The following EML1 variants were observed in gnomAD, a reference collection of about 807,000 sequenced individuals.
The protein encoded by EML1 is echinoderm microtubule-associated protein-like 1.
Under a neutral mutation model 110.4 loss-of-function variants are expected in EML1, and 27 were observed. That is an observed-to-expected ratio of 0.24 (90% CI 0.18 to 0.34). The LOEUF is 0.34. Ranked by LOEUF, EML1 falls within the 10% of genes least tolerant of loss-of-function variation. EML1 has a pLI of 1.00. For missense variants in EML1, 741 were observed against 1,030.9 expected (o/e 0.72, Z 3.85); for synonymous variants, 344 against 385.8 (o/e 0.89, Z 1.27).
chr14:99,913,672 C>T (rs2059983541), intron 13 of EML1, among the ~76,000 whole-genome samples: 2 of 152,082 alleles, frequency 1.3e-5, no homozygotes, highest in South Asian at 4.1e-4. Flanking sequence ...GTTTTGATCA[C>T]TCACTCAACA....
intron 1 of EML1, among the ~76,000 whole-genome samples, chr14:99,745,757 G>A (rs2057100759): frequency 1.3e-5 from 2 of 152,188 alleles, no homozygotes; most frequent in Non-Finnish European, 2.9e-5. Flanking sequence ...TATTTTGGGT[G>A]GAAAAACATG....
At chr14:99,812,742 T>C (rs2058103261) in intron 1 of EML1, among the ~76,000 whole-genome samples, 2 of 152,158 alleles carry the variant, frequency 1.3e-5, no homozygotes, top group South Asian at 4.1e-4. Flanking sequence ...AATAAACACC[T>C]TTGAATAGAG....
intron 1 of EML1, among the ~76,000 whole-genome samples, chr14:99,739,028 T>C (rs968585710): frequency 4.0e-5 from 6 of 150,710 alleles, no homozygotes; most frequent in Non-Finnish European, 3.0e-5. Flanking sequence ...TTGGCCTGGC[T>C]GGGTAGGATT....
chr14:99,757,585 G>A (rs995429690), intron 1 of EML1, among the ~76,000 whole-genome samples: 8 of 152,168 alleles, frequency 5.3e-5, no homozygotes, highest in Non-Finnish European at 8.8e-5. Flanking sequence ...GCTGGTTAGC[G>A]TTTAATAAGC....
intron 17 of EML1, among the ~76,000 whole-genome samples, chr14:99,923,147 G>T (rs924481949): frequency 6.6e-6 from 1 of 152,092 alleles, no homozygotes; most frequent in African/African-American, 2.4e-5. Flanking sequence ...TCGCCATGTT[G>T]CCCAGGCTGG....
chr14:99,752,473 A>G (rs541349650), intron 1 of EML1, among the ~76,000 whole-genome samples: 24 of 152,198 alleles, frequency 1.6e-4, no homozygotes, highest in Non-Finnish European at 3.4e-4. Flanking sequence ...CTTGGCAGCT[A>G]AGGAATCTCC....
chr14:99,773,445 C>A (rs1372492405), exon 1 of EML1: 1 of 152,290 alleles, frequency 6.6e-6, no homozygotes, highest in Non-Finnish European at 1.5e-5. Context: ...CCAGAATCTA[C>A]CTGCCTTAGG....
At chr14:99,819,989 AG>A (rs1185198092) in intron 1 of EML1, among the ~76,000 whole-genome samples, 1 of 152,202 alleles carries the variant, frequency 6.6e-6, no homozygotes, top group Non-Finnish European at 1.5e-5. Flanking sequence ...CTTATCACCT[AG>A]GCCACCAATT....
At chr14:99,751,468 C>A (rs2057174382) in intron 1 of EML1, among the ~76,000 whole-genome samples, 1 of 152,106 alleles carries the variant, frequency 6.6e-6, no homozygotes, top group South Asian at 2.1e-4. Context: ...TGATTCCCGT[C>A]CTTGGGGGCA....
chr14:99,851,506 A>T (rs962238572), intron 2 of EML1, among the ~76,000 whole-genome samples: 11 of 151,932 alleles, frequency 7.2e-5, no homozygotes, highest in African/African-American at 1.2e-4. Context: ...ACAGAGTTTC[A>T]CCGTGTTAGC....
chr14:99,911,485 T>C lies in EML1; in HGVS notation c.1403T>C (p.Met468Thr). Residue 468 changes from methionine (M) to threonine (T), a missense_variant, in exon 13 of 22, where the codon ATG becomes ACG. By Grantham distance (81) the Met-to-Thr change is moderately conservative (BLOSUM62 -1). Transcript: ENST00000262233. ...GAGGGTGGCATTTTTGCACTTTGTA[T>C]GTTAAGAGATGGCACACTGGTGTCG... ...AHEGGIFALC[M>T]LRDGTLVSGG... is the part of the protein sequence containing the mutation. 2 of 1,613,110 alleles carry C rather than the reference T, an allele frequency of 1.2e-6. No homozygotes were observed. The highest frequency in any genetic ancestry group is 1.7e-6 in the Non-Finnish European group (2 of 1,179,920).
At chr14:99,797,721 G>A (rs1255611613) in intron 1 of EML1, among the ~76,000 whole-genome samples, 1 of 152,232 alleles carries the variant, frequency 6.6e-6, no homozygotes, top group East Asian at 1.9e-4. Flanking sequence ...ACTGCACGTG[G>A]TTGCCACAGG....
chr14:99,927,703 A>G (rs1012319746), intron 17 of EML1, among the ~76,000 whole-genome samples: 7 of 142,266 alleles, frequency 4.9e-5, no homozygotes, highest in African/African-American at 1.8e-4. Context: ...TTTATTTTCC[A>G]GTTTCTGAGA....
At chr14:99,831,561 T>C (rs575317308) in intron 1 of EML1, among the ~76,000 whole-genome samples, 6 of 152,288 alleles carry the variant, frequency 3.9e-5, no homozygotes, top group African/African-American at 1.4e-4. Context: ...AGGCATACAC[T>C]TCTGTGCTGG....
Position 99,799,443 on chromosome 14 carries a change from G to A in EML1, c.67+5900G>A, listed in dbSNP as rs139214477. Reference sequence around the variant, plus strand: ...TGTAAGGAAATTATCCAAACTCAACGCTCCGAAGTATTTTCAGGCCTCTTT... The same window carrying A: ...TGTAAGGAAATTATCCAAACTCAACACTCCGAAGTATTTTCAGGCCTCTTT... On this transcript the variant is annotated intron_variant, in intron 1 of 21. Transcript: ENST00000262233. 1.7e-3 allele frequency among the ~76,000 whole-genome samples: 265 copies of A among 152,310 alleles called. 1 individual carries two copies. The highest frequency in any genetic ancestry group is 8.1e-3 in the South Asian group (39 of 4,830).
At chr14:99,896,190 A>G (rs2059668551) in intron 6 of EML1, among the ~76,000 whole-genome samples, 1 of 152,170 alleles carries the variant, frequency 6.6e-6, no homozygotes, top group South Asian at 2.1e-4. Flanking sequence ...ACCTTCAAAT[A>G]TTTGAGTACC....
chr14:99,923,643 C>CAATCGATCAGAAATGTAAAGGTTTAT (rs1566940212), intron 17 of EML1, among the ~76,000 whole-genome samples: 1 of 51,654 alleles, frequency 1.9e-5, no homozygotes, highest in African/African-American at 4.3e-4. Flanking sequence ...GTTCTGCCCC[C>CAATCGATCAGAAATGTAAAGGTTTAT]TTCACCTGTG....
At chr14:99,760,155 C>T (rs2057300111) in intron 1 of EML1, among the ~76,000 whole-genome samples, 1 of 150,528 alleles carries the variant, frequency 6.6e-6, no homozygotes, top group Admixed American at 6.6e-5. Context: ...TTGGAAACAC[C>T]CCCCAAACTT....
chr14:99,819,367 G>A (rs1211376352), intron 1 of EML1, among the ~76,000 whole-genome samples: 1 of 152,160 alleles, frequency 6.6e-6, no homozygotes, highest in Admixed American at 6.5e-5. Flanking sequence ...GTAAAGGATG[G>A]TAAAAATACC....
Sources: gnomAD v4.1 joint callset for allele counts (sites outside exome capture counted in the v4.1 genomes callset) on GRCh38, gnomAD v4.1.1 for gene constraint, MANE v1.5 for transcripts, NCBI Gene and HGNC (gene_info 2026-07-23, HGNC 2026-07-21) for gene names.